Variants in SAMMSON observed in about 807,000 individuals in gnomAD.
SAMMSON encodes long intergenic non-protein coding RNA 1212.
intron 3 of SAMMSON, chr3:70,065,195 T>C (rs1049926819): frequency 6.6e-6 from 1 of 152,122 alleles, no homozygotes; most frequent in Non-Finnish European, 1.5e-5. Flanking sequence ...ATGTAGTTAT[T>C]AGCACAATCA....
chr3:70,140,694 A>G (rs944366597), intron 4 of SAMMSON, among the ~76,000 whole-genome samples: 3 of 152,196 alleles, frequency 2.0e-5, no homozygotes, highest in African/African-American at 7.2e-5. Flanking sequence ...AGGTTTCCTC[A>G]GCCAAATATC....
chr3:70,072,525 A>T (rs1283082521), intron 4 of SAMMSON: 1 of 151,766 alleles, frequency 6.6e-6, no homozygotes, highest in South Asian at 2.1e-4. Flanking sequence ...AGAAAAAAAA[A>T]TCTCCTCCTG....
chr3:70,263,324 TA>T (rs1337828105), intron 6 of SAMMSON, among the ~76,000 whole-genome samples: 1 of 152,202 alleles, frequency 6.6e-6, no homozygotes, highest in Non-Finnish European at 1.5e-5. Flanking sequence ...GACTTTGTTC[TA>T]GTGACAATTG....
chr3:70,131,893 C>T (rs1016567304), intron 4 of SAMMSON, among the ~76,000 whole-genome samples: 4 of 152,028 alleles, frequency 2.6e-5, no homozygotes, highest in African/African-American at 9.7e-5. Context: ...TTGCAATTCT[C>T]GATCATGCTT....
chr3:70,137,188 C>G (rs1191854726), intron 4 of SAMMSON, among the ~76,000 whole-genome samples: 1 of 152,034 alleles, frequency 6.6e-6, no homozygotes, highest in Admixed American at 6.6e-5. Context: ...AGTAATTTTG[C>G]CTTTTTTACA....
At chr3:70,290,127 A>T (rs1702216769) in intron 6 of SAMMSON, among the ~76,000 whole-genome samples, 1 of 152,100 alleles carries the variant, frequency 6.6e-6, no homozygotes. Flanking sequence ...TTGTAGGAGG[A>T]GAGGCGCTCT....
At chr3:70,058,246 A>C (rs894399013) in intron 3 of SAMMSON, among the ~76,000 whole-genome samples, 1 of 152,018 alleles carries the variant, frequency 6.6e-6, no homozygotes, top group Admixed American at 6.6e-5. Context: ...TGCTGAATGC[A>C]AAAGGATCCT....
chr3:70,241,009 C>T (rs963960864), intron 4 of SAMMSON, among the ~76,000 whole-genome samples: 2 of 152,060 alleles, frequency 1.3e-5, no homozygotes, highest in East Asian at 1.9e-4. Context: ...TTCATTTTTT[C>T]GTGTCCACCC....
intron 7 of SAMMSON, among the ~76,000 whole-genome samples, chr3:70,316,621 G>A (rs1015420245): frequency 2.6e-5 from 4 of 151,726 alleles, no homozygotes; most frequent in African/African-American, 9.7e-5. Flanking sequence ...GGAACTTTTC[G>A]GCCTTGATAT....
At chr3:70,262,806 T>C (rs1701879355) in intron 6 of SAMMSON, among the ~76,000 whole-genome samples, 1 of 152,130 alleles carries the variant, frequency 6.6e-6, no homozygotes, top group African/African-American at 2.4e-5. Flanking sequence ...ATGTTCCATC[T>C]CTCTCCTCTC....
chr3:70,207,131 A>G (rs1432501168), intron 4 of SAMMSON, among the ~76,000 whole-genome samples: 1 of 151,672 alleles, frequency 6.6e-6, no homozygotes, highest in East Asian at 1.9e-4. Context: ...CCTGTCACAG[A>G]GTATTATTAA....
chr3:70,347,927 C>A (rs1702764310), intron 7 of SAMMSON, among the ~76,000 whole-genome samples: 1 of 152,106 alleles, frequency 6.6e-6, no homozygotes, highest in Non-Finnish European at 1.5e-5. Flanking sequence ...CCTATAATCC[C>A]AGCTACTTGG....
intron 4 of SAMMSON, among the ~76,000 whole-genome samples, chr3:70,230,581 A>C (rs1263296866): frequency 6.6e-6 from 1 of 152,158 alleles, no homozygotes; most frequent in African/African-American, 2.4e-5. Context: ...TACTGGCAGA[A>C]GTTGTCTACT....
At chr3:70,311,305 A>G (rs1249682501) in intron 7 of SAMMSON, among the ~76,000 whole-genome samples, 2 of 152,216 alleles carry the variant, frequency 1.3e-5, no homozygotes, top group Admixed American at 1.3e-4. Flanking sequence ...CCTTCTAGTA[A>G]ATAATCACAG....
intron 4 of SAMMSON, among the ~76,000 whole-genome samples, chr3:70,167,209 G>A (rs1006711875): frequency 2.0e-4 from 30 of 151,856 alleles, no homozygotes; most frequent in African/African-American, 7.0e-4. Context: ...AGTGACTATC[G>A]TATTGGAGAG....
chr3:70,092,266 T>C (rs1234467507), intron 4 of SAMMSON, among the ~76,000 whole-genome samples: 2 of 152,064 alleles, frequency 1.3e-5, no homozygotes, highest in Non-Finnish European at 2.9e-5. Flanking sequence ...TTTTTAAGTT[T>C]TGTGGGCACA....
At chr3:70,176,607 C>T (rs189240642) in intron 4 of SAMMSON, among the ~76,000 whole-genome samples, 11 of 152,208 alleles carry the variant, frequency 7.2e-5, no homozygotes, top group Non-Finnish European at 1.5e-4. Flanking sequence ...CCTACTTAAA[C>T]GACTTTTCAA....
At chr3:70,357,324 G>A (rs1702836836) in intron 8 of SAMMSON, among the ~76,000 whole-genome samples, 1 of 152,118 alleles carries the variant, frequency 6.6e-6, no homozygotes, top group African/African-American at 2.4e-5. Flanking sequence ...TTGGCAAAAA[G>A]AGAGCAGGCC....
At chr3:70,271,330 A>G (rs1251041216) in intron 6 of SAMMSON, among the ~76,000 whole-genome samples, 1 of 152,132 alleles carries the variant, frequency 6.6e-6, no homozygotes, top group African/African-American at 2.4e-5. Context: ...ATTATGCACA[A>G]ATAAACTGTG....
Sources: allele counts gnomAD v4.1 joint callset (sites outside exome capture counted in the v4.1 genomes callset), GRCh38; gene constraint gnomAD v4.1.1; transcripts MANE v1.5; gene names NCBI Gene and HGNC (gene_info 2026-07-23, HGNC 2026-07-21).